Variants in ARHGAP15 observed in about 807,000 individuals in gnomAD.
ARHGAP15 encodes rho GTPase-activating protein 15.
A neutral mutation model predicts 63.7 loss-of-function variants in ARHGAP15; 51 were observed. That is an observed-to-expected ratio of 0.80 (90% CI 0.64 to 1.01). The LOEUF (loss-of-function observed/expected upper bound fraction) is 1.01, where lower values mean the gene tolerates loss of function less well. Among genes scored for constraint, ARHGAP15 ranks in the 50% least tolerant of loss-of-function variants. The pLI, the probability that ARHGAP15 is intolerant of heterozygous loss-of-function variation, is 0.00. For missense variants in ARHGAP15, 560 were observed against 564.6 expected (o/e 0.99, Z 0.08); for synonymous variants, 191 against 193.8 (o/e 0.99, Z 0.12).
intron 11 of ARHGAP15, among the ~76,000 whole-genome samples, chr2:143,574,685 T>C (rs994131246): frequency 1.2e-4 from 19 of 152,094 alleles, no homozygotes; most frequent in Non-Finnish European, 2.6e-4. Context: ...TGAAAAAATA[T>C]AGGGAACATG....
chr2:143,263,929 T>G (rs1680865665), intron 6 of ARHGAP15, among the ~76,000 whole-genome samples: 1 of 121,830 alleles, frequency 8.2e-6, no homozygotes, highest in South Asian at 2.7e-4. Context: ...TTTTTTTTTT[T>G]TTTTTTTTTT....
At chr2:143,432,455 T>C (rs1362397106) in intron 6 of ARHGAP15, among the ~76,000 whole-genome samples, 1 of 152,074 alleles carries the variant, frequency 6.6e-6, no homozygotes, top group African/African-American at 2.4e-5. Flanking sequence ...TTAATTAAAA[T>C]CTAAAACGCA....
intron 9 of ARHGAP15, among the ~76,000 whole-genome samples, chr2:143,488,475 T>C (rs958027385): frequency 6.6e-6 from 1 of 152,224 alleles, no homozygotes; most frequent in Non-Finnish European, 1.5e-5. Context: ...AGTTCATTAT[T>C]CTCTGTATTT....
intron 6 of ARHGAP15, among the ~76,000 whole-genome samples, chr2:143,253,611 T>C (rs974432012): frequency 1.3e-5 from 2 of 151,992 alleles, no homozygotes; most frequent in Admixed American, 6.6e-5. Context: ...GCATATTTTA[T>C]AACAGCACAC....
chr2:143,375,814 G>T (rs2104927232), intron 6 of ARHGAP15, among the ~76,000 whole-genome samples: 1 of 152,246 alleles, frequency 6.6e-6, no homozygotes, highest in African/African-American at 2.4e-5. Flanking sequence ...CCAAGAACAG[G>T]GAAATGCCAG....
At chr2:143,312,874 C>A (rs1027860715) in intron 6 of ARHGAP15, among the ~76,000 whole-genome samples, 1 of 152,080 alleles carries the variant, frequency 6.6e-6, no homozygotes, top group Admixed American at 6.6e-5. Flanking sequence ...TTTCTGATGT[C>A]TTAATTTAAA....
chr2:143,725,268 C>T (rs1003188995), intron 13 of ARHGAP15, among the ~76,000 whole-genome samples: 1 of 152,138 alleles, frequency 6.6e-6, no homozygotes, highest in African/African-American at 2.4e-5. Flanking sequence ...TTGTGACATA[C>T]CTAGCCAATA....
chr2:143,362,788 C>T (rs1574335175), intron 6 of ARHGAP15, among the ~76,000 whole-genome samples: 1 of 152,128 alleles, frequency 6.6e-6, no homozygotes. Flanking sequence ...GAACACACCC[C>T]AGTCTAAATA....
chr2:143,403,018 T>TA (rs1688053988), intron 6 of ARHGAP15, among the ~76,000 whole-genome samples: 1 of 151,834 alleles, frequency 6.6e-6, no homozygotes, highest in African/African-American at 2.4e-5. Context: ...AGGATTCAAG[T>TA]AAAACCTTTA....
intron 13 of ARHGAP15, among the ~76,000 whole-genome samples, chr2:143,708,470 G>C (rs909549235): frequency 6.6e-6 from 1 of 151,918 alleles, no homozygotes; most frequent in African/African-American, 2.4e-5. Flanking sequence ...TTTCCTTACT[G>C]TCCTGACTCA....
chr2:143,148,912 A>G (rs1049804141), intron 1 of ARHGAP15, among the ~76,000 whole-genome samples: 5 of 152,040 alleles, frequency 3.3e-5, no homozygotes, highest in African/African-American at 1.2e-4. Flanking sequence ...CTATTTTGGT[A>G]AATGGCTGCT....
intron 3 of ARHGAP15, among the ~76,000 whole-genome samples, chr2:143,211,080 G>C (rs571654360): frequency 6.6e-6 from 1 of 152,180 alleles, no homozygotes; most frequent in East Asian, 1.9e-4. Context: ...GGAGTTTTAA[G>C]GTATTTTTTC....
intron 8 of ARHGAP15, among the ~76,000 whole-genome samples, chr2:143,456,237 A>T (rs1460521963): frequency 6.6e-6 from 1 of 152,140 alleles, no homozygotes. Flanking sequence ...AATGTTGGCT[A>T]TTAACATTGA....
At chr2:143,427,089 G>A (rs961196508) in intron 6 of ARHGAP15, among the ~76,000 whole-genome samples, 2 of 152,156 alleles carry the variant, frequency 1.3e-5, no homozygotes, top group Non-Finnish European at 2.9e-5. Context: ...CAGCACTAAA[G>A]CTAACAGGTG....
intron 2 of ARHGAP15, among the ~76,000 whole-genome samples, chr2:143,184,119 G>A (rs982208018): frequency 6.6e-6 from 1 of 152,296 alleles, no homozygotes; most frequent in Middle Eastern, 3.4e-3. Flanking sequence ...AGTATATCAT[G>A]TAAGCTGAAT....
intron 2 of ARHGAP15, among the ~76,000 whole-genome samples, chr2:143,188,087 T>C (rs1691517902): frequency 6.6e-6 from 1 of 152,118 alleles, no homozygotes. Flanking sequence ...CTTTTCTTTT[T>C]AAATATTACG....
intron 12 of ARHGAP15, among the ~76,000 whole-genome samples, chr2:143,671,679 G>C (rs564268477): frequency 1.3e-5 from 2 of 152,210 alleles, no homozygotes; most frequent in East Asian, 3.9e-4. Context: ...CAGCTGTACT[G>C]TACCTTCAGT....
intron 6 of ARHGAP15, among the ~76,000 whole-genome samples, chr2:143,288,322 A>G (rs2105108120): frequency 6.6e-6 from 1 of 152,278 alleles, no homozygotes; most frequent in African/African-American, 2.4e-5. Context: ...CAGAATGGTT[A>G]TGTAGGAGAA....
intron 9 of ARHGAP15, among the ~76,000 whole-genome samples, chr2:143,492,164 G>A (rs1692609711): frequency 6.6e-6 from 1 of 152,144 alleles, no homozygotes; most frequent in Non-Finnish European, 1.5e-5. Context: ...TTATAGGTGT[G>A]AGCCACCGCG....
Sources: allele counts gnomAD v4.1 joint callset (sites outside exome capture counted in the v4.1 genomes callset), GRCh38; gene constraint gnomAD v4.1.1; transcripts MANE v1.5; gene names NCBI Gene and HGNC (gene_info 2026-07-23, HGNC 2026-07-21).